Variants in CNTN5 observed in about 807,000 individuals in gnomAD.
CNTN5 encodes contactin-5.
A neutral mutation model predicts 129.1 loss-of-function variants in CNTN5; 77 were observed. The observed-to-expected ratio is 0.60, with a 90% CI of 0.50 to 0.72. CNTN5 has a LOEUF of 0.72. Among genes scored for constraint, CNTN5 ranks in the 30% least tolerant of loss-of-function variants. The pLI is 0.00. For missense variants in CNTN5, 1,478 were observed against 1,328.8 expected, an observed-to-expected ratio of 1.11 and a Z score of -1.75; for synonymous variants, 509 against 465.6, an observed-to-expected ratio of 1.09 and a Z score of -1.20.
At chr11:100,137,975 T>C (rs1946578610) in intron 13 of CNTN5, among the ~76,000 whole-genome samples, 1 of 151,856 alleles carries the variant, frequency 6.6e-6, no homozygotes, top group Admixed American at 6.6e-5. Flanking sequence ...GGCGATGAAC[T>C]TGAAGAATAA....
intron 16 of CNTN5, among the ~76,000 whole-genome samples, chr11:100,235,502 C>T (rs1308780823): frequency 6.6e-6 from 1 of 152,074 alleles, no homozygotes; most frequent in Non-Finnish European, 1.5e-5. Context: ...TTCTTCCTCC[C>T]CTCCCTTTTT....
chr11:99,558,392 T>C, intron 3 of CNTN5: 1 of 279,188 alleles, frequency 3.6e-6, no homozygotes. Context: ...TTGTTGTTGT[T>C]TTGTTTTTAG....
chr11:100,288,393 A>G (rs956407223), intron 18 of CNTN5, among the ~76,000 whole-genome samples: 2 of 152,318 alleles, frequency 1.3e-5, no homozygotes, highest in Non-Finnish European at 1.5e-5. Flanking sequence ...AAAGAACAGA[A>G]ATTATAACAA....
intron 3 of CNTN5, among the ~76,000 whole-genome samples, chr11:99,612,742 T>C (rs906906325): frequency 5.3e-5 from 8 of 152,204 alleles, no homozygotes; most frequent in Non-Finnish European, 1.2e-4. Context: ...CTTTTTCATA[T>C]AACATTTCAT....
rs768551655 is a variant in CNTN5 at position 100,299,285 on chromosome 11, C to T, written c.2509C>T (p.Arg837Ter). Residue 837 changes from arginine (R) to a stop codon, truncating the protein, a stop_gained, in exon 20 of 25, where the codon CGA becomes TGA. Coordinates refer to ENST00000524871, the MANE Select transcript of CNTN5 (RefSeq NM_014361.4). LOFTEE classifies it high-confidence loss of function. The part of the protein sequence containing the change: ...TSSEASKFIY[R>*]DESVPPLTPF... ...CTCTGAAGCTTCCAAATTCATTTAT[C>T]GAGATGAAAGTGTCCCTCCTCTTAC... is the stretch of plus-strand genomic sequence containing the variant. 1 of 1,610,554 alleles carries T rather than the reference C, an allele frequency of 6.2e-7. No homozygotes were observed. Among genetic ancestry groups the T allele is most frequent in the South Asian group, 1.1e-5 (1 of 91,002 alleles).
At chr11:99,885,544 A>G (rs1478326295) in intron 6 of CNTN5, among the ~76,000 whole-genome samples, 4 of 152,192 alleles carry the variant, frequency 2.6e-5, no homozygotes, top group Non-Finnish European at 4.4e-5. Context: ...CAATAATTAT[A>G]CCCTCAAGGA....
chr11:99,696,623 T>C (rs1029297943), intron 3 of CNTN5, among the ~76,000 whole-genome samples: 1 of 151,302 alleles, frequency 6.6e-6, no homozygotes, highest in Non-Finnish European at 1.5e-5. Flanking sequence ...TCAGTAGTCA[T>C]TCTTTTTTTT....
intron 13 of CNTN5, among the ~76,000 whole-genome samples, chr11:100,076,544 C>T (rs1245983521): frequency 6.6e-6 from 1 of 152,000 alleles, no homozygotes; most frequent in Non-Finnish European, 1.5e-5. Context: ...GTTTCTCTTC[C>T]TTTCTTTACT....
intron 9 of CNTN5, among the ~76,000 whole-genome samples, chr11:100,017,154 C>T (rs769851546): frequency 6.6e-6 from 1 of 151,782 alleles, no homozygotes; most frequent in African/African-American, 2.4e-5. Flanking sequence ...AAGAAAGGTA[C>T]ATTATGAAAT....
At chr11:99,088,604 C>T (rs1454320680) in intron 1 of CNTN5, among the ~76,000 whole-genome samples, 4 of 152,082 alleles carry the variant, frequency 2.6e-5, no homozygotes, top group South Asian at 4.1e-4. Context: ...CAGCAGCAGC[C>T]ACAGAAACAT....
At chr11:99,997,001 A>T (rs1939493026) in intron 8 of CNTN5, among the ~76,000 whole-genome samples, 1 of 151,704 alleles carries the variant, frequency 6.6e-6, no homozygotes. Flanking sequence ...TTCTACCCCG[A>T]CCCCTCCCAA....
chr11:100,316,871 G>A (rs867204751), intron 21 of CNTN5, among the ~76,000 whole-genome samples: 1 of 152,090 alleles, frequency 6.6e-6, no homozygotes, highest in Non-Finnish European at 1.5e-5. Context: ...CACTGTCCTG[G>A]TTTCAGTTCT....
At chr11:99,408,379 A>G (rs1194292975) in intron 2 of CNTN5, among the ~76,000 whole-genome samples, 1 of 148,878 alleles carries the variant, frequency 6.7e-6, no homozygotes, top group Non-Finnish European at 1.5e-5. Context: ...AAAAAAAAAA[A>G]AAAAGAAAGA....
chr11:99,035,030 C>T (rs1863637373), intron 1 of CNTN5, among the ~76,000 whole-genome samples: 1 of 150,080 alleles, frequency 6.7e-6, no homozygotes, highest in Non-Finnish European at 1.5e-5. Flanking sequence ...ATTATGTACC[C>T]AGTAGTCATT....
intron 3 of CNTN5, among the ~76,000 whole-genome samples, chr11:99,750,599 A>G (rs372614275): frequency 6.6e-6 from 1 of 152,272 alleles, no homozygotes; most frequent in African/African-American, 2.4e-5. Context: ...AAAAAAAGAT[A>G]ATAAATTTTG....
At chr11:99,230,462 C>T (rs143831883) in intron 1 of CNTN5, among the ~76,000 whole-genome samples, 1 of 152,010 alleles carries the variant, frequency 6.6e-6, no homozygotes, top group Admixed American at 6.6e-5. Flanking sequence ...TTCTGACTAA[C>T]CAAGTTTGCT....
intron 1 of CNTN5, among the ~76,000 whole-genome samples, chr11:99,030,775 A>ACT (rs1028324454): frequency 2.2e-5 from 3 of 136,284 alleles, no homozygotes; most frequent in Admixed American, 8.1e-5. Context: ...TCTAATGCTA[A>ACT]CTCTCTTTTT....
intron 3 of CNTN5, among the ~76,000 whole-genome samples, chr11:99,758,490 A>G (rs574474358): frequency 6.6e-6 from 1 of 152,190 alleles, no homozygotes; most frequent in South Asian, 2.1e-4. Context: ...TGGGCCAGGC[A>G]GTACACAGAA....
intron 3 of CNTN5, among the ~76,000 whole-genome samples, chr11:99,756,769 G>A (rs1249514129): frequency 1.3e-5 from 2 of 151,838 alleles, no homozygotes; most frequent in Non-Finnish European, 2.9e-5. Flanking sequence ...AAGAAATGAG[G>A]CTTAAAATAC....
Sources: gnomAD v4.1 joint callset for allele counts (sites outside exome capture counted in the v4.1 genomes callset) on GRCh38, gnomAD v4.1.1 for gene constraint, MANE v1.5 for transcripts, NCBI Gene and HGNC (gene_info 2026-07-23, HGNC 2026-07-21) for gene names.